SSBP3: variants seen among roughly 807,000 people sequenced by gnomAD.
SSBP3 encodes single stranded DNA binding protein 3.
SSBP3 carries 5 observed loss-of-function variants against 69.6 expected under a neutral mutation model. That is an observed-to-expected ratio of 0.07 (90% CI 0.04 to 0.15). The LOEUF (loss-of-function observed/expected upper bound fraction) is 0.15, where lower values mean the gene tolerates loss of function less well. Ranked by LOEUF, SSBP3 falls within the 10% of genes least tolerant of loss-of-function variation. SSBP3 has a pLI of 1.00. For synonymous variants in SSBP3, 196 were observed against 193.4 expected, an observed-to-expected ratio of 1.01 and a Z score of -0.11; for missense variants, 312 against 534.0, an observed-to-expected ratio of 0.58 and a Z score of 4.10.
intron 4 of SSBP3, among the ~76,000 whole-genome samples, chr1:54,339,625 A>G (rs1646571644): frequency 6.6e-6 from 1 of 152,000 alleles, no homozygotes; most frequent in Admixed American, 6.6e-5. Context: ...AGAAAGGGGA[A>G]AGATCAGCCG....
intron 7 of SSBP3, chr1:54,255,671 G>A (rs1454554311): frequency 6.6e-6 from 1 of 152,046 alleles, no homozygotes; most frequent in East Asian, 1.9e-4. Flanking sequence ...AATTCCTCTT[G>A]TCCAAATTTG....
chr1:54,256,750 C>T (rs1291407857), intron 7 of SSBP3, among the ~76,000 whole-genome samples: 1 of 152,142 alleles, frequency 6.6e-6, no homozygotes. Context: ...AAAAAATGCA[C>T]ATTGTCAATT....
chr1:54,330,575 C>T (rs1646391971), intron 4 of SSBP3, among the ~76,000 whole-genome samples: 1 of 152,210 alleles, frequency 6.6e-6, no homozygotes, highest in Non-Finnish European at 1.5e-5. Flanking sequence ...ACCACCAGTA[C>T]ACCCTAGGTT....
intron 4 of SSBP3, among the ~76,000 whole-genome samples, chr1:54,324,901 C>G (rs896722669): frequency 6.6e-6 from 1 of 152,122 alleles, no homozygotes; most frequent in Non-Finnish European, 1.5e-5. Flanking sequence ...GCCAAACTTC[C>G]CGGCTAGCTG....
upstream of SSBP3, among the ~76,000 whole-genome samples, chr1:54,410,642 A>C (rs1212653441): frequency 2.0e-5 from 3 of 152,202 alleles, no homozygotes; most frequent in Non-Finnish European, 2.9e-5. Context: ...GGGGGCCTCC[A>C]CAGGGGGAAT....
At chr1:54,256,465 G>C (rs529781273) in intron 7 of SSBP3, among the ~76,000 whole-genome samples, 1 of 152,104 alleles carries the variant, frequency 6.6e-6, no homozygotes, top group Non-Finnish European at 1.5e-5. Flanking sequence ...GATTTCTCCA[G>C]ACCACCTAGA....
chr1:54,304,883 TAAACAG>T (rs1281709013), intron 4 of SSBP3, among the ~76,000 whole-genome samples: 1 of 151,930 alleles, frequency 6.6e-6, no homozygotes, highest in Non-Finnish European at 1.5e-5. Flanking sequence ...CAATCACAGA[TAAACAG>T]AGAAACACAT....
At chr1:54,273,596 T>A (rs1248201669) in intron 5 of SSBP3, among the ~76,000 whole-genome samples, 1 of 152,098 alleles carries the variant, frequency 6.6e-6, no homozygotes, top group Non-Finnish European at 1.5e-5. Context: ...CTTTCTTCCC[T>A]CTCCTCTGCC....
intron 4 of SSBP3, among the ~76,000 whole-genome samples, chr1:54,293,135 C>T (rs927201098): frequency 6.6e-6 from 1 of 152,132 alleles, no homozygotes; most frequent in African/African-American, 2.4e-5. Flanking sequence ...AAGGGCAAGG[C>T]GGGGCTGCCA....
chr1:54,409,433 C>T (rs756712975), upstream of SSBP3, among the ~76,000 whole-genome samples: 1 of 152,114 alleles, frequency 6.6e-6, no homozygotes, highest in Non-Finnish European at 1.5e-5. Flanking sequence ...ATCTGTGTAT[C>T]TCCAGCACAC....
At chr1:54,250,558 C>T (rs1423184268) in intron 9 of SSBP3, among the ~76,000 whole-genome samples, 1 of 152,112 alleles carries the variant, frequency 6.6e-6, no homozygotes, top group Non-Finnish European at 1.5e-5. Flanking sequence ...GGGCACTACT[C>T]CACCCTCAGG....
At chr1:54,404,380 C>A (rs922323508) in intron 3 of SSBP3, among the ~76,000 whole-genome samples, 196 bp downstream of exon 3, 1 of 152,208 alleles carries the variant, frequency 6.6e-6, no homozygotes, top group African/African-American at 2.4e-5. Flanking sequence ...TTTTTCCCCC[C>A]AAAACTTTAG....
At chr1:54,250,873 T>G (rs1358833750) in intron 9 of SSBP3, among the ~76,000 whole-genome samples, 2 of 152,182 alleles carry the variant, frequency 1.3e-5, no homozygotes, top group Non-Finnish European at 2.9e-5. Context: ...CAACACCTGT[T>G]GCTTGGACAC....
chr1:54,354,882 C>G (rs1646839103), intron 4 of SSBP3, among the ~76,000 whole-genome samples: 1 of 152,160 alleles, frequency 6.6e-6, no homozygotes, highest in African/African-American at 2.4e-5. Context: ...ATCTACCCAG[C>G]CTGTGGACTT....
intron 14 of SSBP3, among the ~76,000 whole-genome samples, chr1:54,233,656 C>T (rs1644430054): frequency 6.9e-6 from 1 of 145,636 alleles, no homozygotes; most frequent in African/African-American, 2.5e-5. Context: ...CCCGGCCGCC[C>T]CTACTGGGAA....
At chr1:54,321,460 T>C (rs1365326009) in intron 4 of SSBP3, among the ~76,000 whole-genome samples, 1 of 152,160 alleles carries the variant, frequency 6.6e-6, no homozygotes, top group Non-Finnish European at 1.5e-5. Flanking sequence ...CCTGCTACCA[T>C]CCCGAAAGCT....
chr1:54,341,787 G>A (rs1646612830), intron 4 of SSBP3, among the ~76,000 whole-genome samples: 1 of 152,004 alleles, frequency 6.6e-6, no homozygotes, highest in South Asian at 2.1e-4. Context: ...GGCCGGACAG[G>A]GTCCCTAGGA....
intron 14 of SSBP3, among the ~76,000 whole-genome samples, chr1:54,233,460 C>G (rs968187375): frequency 6.6e-6 from 1 of 151,950 alleles, no homozygotes; most frequent in Non-Finnish European, 1.5e-5. Context: ...GCGTCTCCGG[C>G]TGGCAGCCAC....
intron 4 of SSBP3, among the ~76,000 whole-genome samples, chr1:54,323,076 T>G (rs1646242347): frequency 6.6e-6 from 1 of 152,176 alleles, no homozygotes; most frequent in Non-Finnish European, 1.5e-5. Context: ...CCTTTTTGAG[T>G]TATTTGGAAC....
Sources: allele counts gnomAD v4.1 joint callset (sites outside exome capture counted in the v4.1 genomes callset), GRCh38; gene constraint gnomAD v4.1.1; transcripts MANE v1.5; gene names NCBI Gene and HGNC (gene_info 2026-07-23, HGNC 2026-07-21).